RIMS2: variants seen among roughly 807,000 people sequenced by gnomAD.
RIMS2 encodes the protein regulating synaptic membrane exocytosis protein 2.
RIMS2 carries 59 observed loss-of-function variants against 174.4 expected under a neutral mutation model. The observed-to-expected ratio is 0.34, with a 90% CI of 0.27 to 0.42. The LOEUF is 0.42. Among genes scored for constraint, RIMS2 ranks in the 10% least tolerant of loss-of-function variants. The pLI is 1.00. For missense variants in RIMS2, 1,620 were observed against 1,666.3 expected, an observed-to-expected ratio of 0.97 and a Z score of 0.48; for synonymous variants, 606 against 572.5, an observed-to-expected ratio of 1.06 and a Z score of -0.84.
chr8:103,829,793 C>T (rs1406146794), intron 3 of RIMS2, among the ~76,000 whole-genome samples: 5 of 152,064 alleles, frequency 3.3e-5, no homozygotes, highest in Non-Finnish European at 5.9e-5. Context: ...AGTCTACATG[C>T]CAGATCCCCA....
intron 1 of RIMS2, among the ~76,000 whole-genome samples, chr8:103,549,319 C>T (rs1846543465): frequency 6.6e-6 from 1 of 152,172 alleles, no homozygotes. Flanking sequence ...CAATATTCAA[C>T]AATCTTAAAG....
chr8:104,234,919 T>C (rs534238635), intron 19 of RIMS2, among the ~76,000 whole-genome samples: 3 of 152,282 alleles, frequency 2.0e-5, no homozygotes, highest in African/African-American at 7.2e-5. Context: ...TTGACAGCTA[T>C]GGTATAGTTT....
chr8:103,606,531 G>A (rs1441547655), intron 1 of RIMS2, among the ~76,000 whole-genome samples: 1 of 152,164 alleles, frequency 6.6e-6, no homozygotes, highest in Non-Finnish European at 1.5e-5. Context: ...TTGGTGCAGA[G>A]CTGGGTTCAA....
intron 1 of RIMS2, among the ~76,000 whole-genome samples, chr8:103,695,816 C>G (rs11995505): frequency 8.6e-4 from 130 of 151,894 alleles, no homozygotes; most frequent in African/African-American, 2.9e-3. Flanking sequence ...GAGTAATCTT[C>G]TCTAATTCTT....
intron 1 of RIMS2, among the ~76,000 whole-genome samples, chr8:103,594,797 C>A (rs1311026687): frequency 1.3e-5 from 2 of 151,710 alleles, no homozygotes; most frequent in African/African-American, 2.4e-5. Flanking sequence ...GGCTTCAAAT[C>A]TTTAGATGTG....
At chr8:103,584,559 A>G (rs1044497442) in intron 1 of RIMS2, among the ~76,000 whole-genome samples, 1 of 152,214 alleles carries the variant, frequency 6.6e-6, no homozygotes, top group Non-Finnish European at 1.5e-5. Flanking sequence ...CAAATTATTT[A>G]TGAAAAAAGA....
chr8:103,642,820 T>A (rs1245304143), intron 1 of RIMS2, among the ~76,000 whole-genome samples: 1 of 151,982 alleles, frequency 6.6e-6, no homozygotes, highest in Non-Finnish European at 1.5e-5. Context: ...AGGTGTTTGC[T>A]TTTTTTCTTT....
chr8:103,979,489 G>A (rs980526955), intron 16 of RIMS2, among the ~76,000 whole-genome samples: 1 of 152,158 alleles, frequency 6.6e-6, no homozygotes, highest in South Asian at 2.1e-4. Flanking sequence ...CAAAGGATAT[G>A]AAATCAGTAT....
At chr8:104,066,705 C>G (rs1415205203) in intron 19 of RIMS2, among the ~76,000 whole-genome samples, 7 of 152,074 alleles carry the variant, frequency 4.6e-5, no homozygotes, top group Non-Finnish European at 7.4e-5. Context: ...ATTATATTAA[C>G]CTAGCATTAA....
intron 19 of RIMS2, among the ~76,000 whole-genome samples, 195 bp downstream of exon 24, chr8:104,093,838 T>G (rs191062987): frequency 4.9e-4 from 75 of 152,196 alleles, no homozygotes; most frequent in Non-Finnish European, 7.4e-5. Context: ...GAAAATGTTA[T>G]GAAACTATGG....
intron 1 of RIMS2, among the ~76,000 whole-genome samples, chr8:103,556,242 A>G (rs1032193473): frequency 6.6e-6 from 1 of 152,178 alleles, no homozygotes; most frequent in Non-Finnish European, 1.5e-5. Flanking sequence ...TGTTTTATAT[A>G]TTGATTTAGT....
intron 2 of RIMS2, among the ~76,000 whole-genome samples, chr8:103,753,184 T>G (rs1013987169): frequency 2.6e-5 from 4 of 152,130 alleles, no homozygotes; most frequent in Non-Finnish European, 5.9e-5. Context: ...CTGCATCTAT[T>G]GAGATAATCA....
intron 1 of RIMS2, among the ~76,000 whole-genome samples, chr8:103,627,924 T>C (rs1246746629): frequency 2.6e-5 from 4 of 152,226 alleles, no homozygotes; most frequent in Non-Finnish European, 5.9e-5. Context: ...AAAACCTAAA[T>C]GCGCCTGCTC....
At chr8:104,164,189 T>A (rs62508102) in intron 19 of RIMS2, among the ~76,000 whole-genome samples, 1 of 6,722 alleles carries the variant, frequency 1.5e-4, no homozygotes, top group East Asian at 0.25. Context: ...TGGAATTATC[T>A]TTCCTGTGTG....
At chr8:103,749,407 T>C (rs568925141) in intron 2 of RIMS2, among the ~76,000 whole-genome samples, 1 of 152,288 alleles carries the variant, frequency 6.6e-6, no homozygotes, top group East Asian at 1.9e-4. Context: ...CCACGGCGCC[T>C]GGCCACTTTC....
rs751933777 is a variant in RIMS2 at position 103,912,183 on chromosome 8, A to C, written c.1812+11A>C. The C allele has an allele frequency of 1.9e-6, 3 of 1,602,466 alleles. No individual in the cohort carries two copies. Among genetic ancestry groups the C allele is most frequent in the South Asian group, 1.1e-5 (1 of 89,268 alleles). Reference sequence around the variant, plus strand: ...ATGCTTGGCTTGAAGGTATGTAATAAAAAGTATGAGATTTTGGCTCTATAC... The same window carrying C: ...ATGCTTGGCTTGAAGGTATGTAATACAAAGTATGAGATTTTGGCTCTATAC... On this transcript the variant is annotated intron_variant, in intron 6 of 23. Transcript: ENST00000504942.
intron 1 of RIMS2, among the ~76,000 whole-genome samples, chr8:103,505,273 T>A (rs1164250586): frequency 3.9e-5 from 6 of 152,142 alleles, no homozygotes; most frequent in Non-Finnish European, 5.9e-5. Flanking sequence ...GTATATATAA[T>A]ATTGTGTGTG....
intron 19 of RIMS2, among the ~76,000 whole-genome samples, chr8:104,066,073 T>G (rs1190167941): frequency 2.6e-5 from 4 of 152,190 alleles, no homozygotes; most frequent in Non-Finnish European, 1.5e-5. Flanking sequence ...ACTGCCTGTT[T>G]TGTAAACAAA....
At chr8:104,151,753 A>G (rs1312241292) in intron 19 of RIMS2, among the ~76,000 whole-genome samples, 1 of 152,222 alleles carries the variant, frequency 6.6e-6, no homozygotes, top group Non-Finnish European at 1.5e-5. Flanking sequence ...TGAGAGTTAC[A>G]AAGTTTAGGT....
Sources: gnomAD v4.1 joint callset for allele counts (sites outside exome capture counted in the v4.1 genomes callset) on GRCh38, gnomAD v4.1.1 for gene constraint, MANE v1.5 for transcripts, NCBI Gene and HGNC (gene_info 2026-07-23, HGNC 2026-07-21) for gene names.